ICE1: variants seen among roughly 807,000 people sequenced by gnomAD.
ICE1 encodes interactor of little elongation complex ELL subunit 1, also known as little elongation complex subunit 1.
A neutral mutation model predicts 192.7 loss-of-function variants in ICE1; 64 were observed. The ratio of observed to expected loss-of-function variants is 0.33; its 90% CI spans 0.27 to 0.41. The LOEUF (loss-of-function observed/expected upper bound fraction) is 0.41, where lower values mean the gene tolerates loss of function less well. Ranked by LOEUF, ICE1 falls within the 10% of genes least tolerant of loss-of-function variation. ICE1 has a pLI of 1.00. For missense variants in ICE1, 2,708 were observed against 2,696.0 expected (o/e 1.00, Z -0.10); for synonymous variants, 1,010 against 984.5 (o/e 1.03, Z -0.49).
intron 5 of ICE1, among the ~76,000 whole-genome samples, chr5:5,441,725 C>G (rs1022523389): frequency 2.6e-5 from 4 of 151,934 alleles, no homozygotes; most frequent in Admixed American, 2.6e-4. Context: ...AAAGAACCTA[C>G]TCTCATAATT....
intron 4 of ICE1, 27 bp from the exon 5 acceptor site, chr5:5,441,085 G>T (rs966395886): frequency 2.3e-6 from 3 of 1,322,280 alleles, no homozygotes; most frequent in Non-Finnish European, 2.1e-6. Flanking sequence ...ATCCTTTTCT[G>T]TAATAATGTT....
intron 7 of ICE1, among the ~76,000 whole-genome samples, chr5:5,445,580 C>T (rs1738193769): frequency 2.0e-5 from 3 of 151,828 alleles, no homozygotes; most frequent in Admixed American, 1.3e-4. Flanking sequence ...TACAGGCACG[C>T]ACCACCAAAC....
intron 1 of ICE1, among the ~76,000 whole-genome samples, chr5:5,433,614 CCT>C (rs1737787611): frequency 6.6e-6 from 1 of 152,070 alleles, no homozygotes; most frequent in Admixed American, 6.6e-5. Context: ...ATGCATCCAC[CCT>C]CTCTGCCCAG....
At chr5:5,445,385 G>A (rs28656422) in intron 7 of ICE1, among the ~76,000 whole-genome samples, 2 of 151,952 alleles carry the variant, frequency 1.3e-5, no homozygotes, top group Admixed American at 6.6e-5. Flanking sequence ...AGTGTCTATT[G>A]TATTTAAACA....
chr5:5,484,415 C>T (rs1739583841), intron 17 of ICE1, among the ~76,000 whole-genome samples: 3 of 152,216 alleles, frequency 2.0e-5, no homozygotes, highest in Admixed American at 2.0e-4. Context: ...TGCTGTTAGT[C>T]ATACAGTTAA....
At chr5:5,478,078 C>G (rs1739370489) in intron 17 of ICE1, among the ~76,000 whole-genome samples, 1 of 152,186 alleles carries the variant, frequency 6.6e-6, no homozygotes, top group Non-Finnish European at 1.5e-5. Context: ...GCAAGGATGC[C>G]CTCTCTTACC....
rs766707038 is a variant in ICE1, at chr5:5,439,897, C to T, written c.181C>T (p.Leu61=). ...GAGTTTTCTTTAATAAGTTTTACAG[C>T]TGCAGTTTGCAAGAAGGTGAGCCAA... ...LTEYQKKCDE[L]QFARRENSNL... is the part of the protein sequence containing the mutation. The change falls in exon 4 of 19, where the codon CTG becomes TTG. Residue 61 remains leucine, a splice_region_variant and synonymous_variant. Transcript: ENST00000296564. 1 of 1,552,308 alleles carries T rather than the reference C, an allele frequency of 6.4e-7. No homozygotes were observed. Among genetic ancestry groups the T allele is most frequent in the South Asian group, 1.2e-5 (1 of 82,758 alleles).
At position 5,457,524 on chromosome 5, in the gene ICE1, A is replaced by T; in HGVS notation, c.884A>T (p.Asp295Val). ...TCCAGTGGAACAAATTGTAGTTCTGACCATGTTTTTAATGAGAATGGAAAT... is the reference window on the plus strand; with the variant it reads ...TCCAGTGGAACAAATTGTAGTTCTGTCCATGTTTTTAATGAGAATGGAAAT... ...QSSSGTNCSS[D>V]HVFNENGNLE... Residue 295 changes from aspartate (D) to valine (V), a missense_variant, in exon 12 of 19, where the codon GAC becomes GTC. Around this residue, in one of 2 missense-constraint regions of ICE1, gnomAD observed 2,366 missense variants for 2,276.6 expected, o/e 1.04. Transcript: ENST00000296564. 2 of 1,613,970 alleles carry T rather than the reference A, an allele frequency of 1.2e-6. No homozygotes were observed. The highest frequency in any genetic ancestry group is 1.7e-6 in the Non-Finnish European group (2 of 1,179,856).
Position 5,464,698 on chromosome 5 carries a change from A to T in ICE1, c.5364A>T (p.Gly1788=), listed in dbSNP as rs375147589. ...GPPADCKNLP[G]PASAMIGFKT... is the part of the protein sequence containing the mutation. ...CTGCTGACTGTAAGAATTTACCGGG[A>T]CCTGCCAGTGCTATGATAGGATTCA... The change falls in exon 13 of 19, where the codon GGA becomes GGT. Residue 1788 remains glycine, a synonymous_variant. Transcript: ENST00000296564. This position sits in a 1 kb window ranked among gnomAD's most constrained non-coding sequence, Gnocchi z 4.0. The T allele has an allele frequency of 2.4e-5, 39 of 1,613,420 alleles. No individual in the cohort carries two copies. Among genetic ancestry groups the T allele is most frequent in the Non-Finnish European group, 3.1e-5 (37 of 1,179,838 alleles).
chr5:5,482,390 T>C (rs1656609944), intron 17 of ICE1, among the ~76,000 whole-genome samples: 2 of 152,196 alleles, frequency 1.3e-5, no homozygotes, highest in South Asian at 4.1e-4. Flanking sequence ...CTAAAATGCT[T>C]ATAAACATAT....
In ICE1 at chr5:5,465,156, A is replaced by G; in HGVS notation, c.5822A>G (p.Asn1941Ser). The G allele has an allele frequency of 6.2e-7, 1 of 1,608,302 alleles. No homozygotes were observed. Among genetic ancestry groups the G allele is most frequent in the Non-Finnish European group, 8.5e-7 (1 of 1,176,954 alleles). Residue 1941 changes from asparagine to serine, a missense_variant, in exon 13 of 19, where the codon AAT (asparagine) becomes AGT (serine). By Grantham distance (46) the Asn-to-Ser change is conservative. This residue lies in a region of ICE1 where 342 missense variants were observed against 419.3 expected (regional missense o/e 0.82). Coordinates refer to ENST00000296564, the MANE Select transcript of ICE1 (RefSeq NM_015325.3). ...ATTCGTAGTCATGTGTATGTGGGAA[A>G]TATCTCCAAAAAGCCCGTAATGAGA... ...PVIRSHVYVG[N>S]ISKKPVMRDQ...
chr5:5,440,849 T>C (rs1738025154), intron 4 of ICE1, among the ~76,000 whole-genome samples: 2 of 151,404 alleles, frequency 1.3e-5, no homozygotes, highest in Non-Finnish European at 2.9e-5. Context: ...GTGGTGCCAC[T>C]ATACTCCAGC....
chr5:5,427,165 T>G (rs1302042345), intron 1 of ICE1, among the ~76,000 whole-genome samples: 1 of 152,226 alleles, frequency 6.6e-6, no homozygotes, highest in Non-Finnish European at 1.5e-5. Flanking sequence ...GTGTGCAGAT[T>G]GACTACATTT....
intron 14 of ICE1, among the ~76,000 whole-genome samples, 178 bp downstream of exon 14, chr5:5,466,680 T>C (rs1464156657): frequency 2.6e-5 from 4 of 152,254 alleles, no homozygotes; most frequent in African/African-American, 9.6e-5. Flanking sequence ...GGCTTACTTA[T>C]ATCAGCACTA....
intron 13 of ICE1, 110 bp downstream of exon 13, chr5:5,465,336 A>G: frequency 5.6e-6 from 4 of 713,030 alleles, no homozygotes; most frequent in Admixed American, 5.8e-5. Context: ...GTTTTACTTC[A>G]AGGATGAGAG....
chr5:5,471,877 T>A (rs1739164983), intron 15 of ICE1, among the ~76,000 whole-genome samples: 1 of 152,174 alleles, frequency 6.6e-6, no homozygotes, highest in Non-Finnish European at 1.5e-5. Flanking sequence ...TCCAACTTTT[T>A]CTGGTGGAGG....
intron 7 of ICE1, 89 bp downstream of exon 7, chr5:5,444,415 G>T: frequency 1.1e-6 from 1 of 909,300 alleles, no homozygotes; most frequent in South Asian, 1.6e-5. Context: ...TCAAATAGTT[G>T]AATTGTTATG....
chr5:5,439,918 G>A lies in ICE1; in HGVS notation c.197+5G>A. The A allele has an allele frequency of 1.9e-6, 3 of 1,554,434 alleles. No homozygotes were observed. Among genetic ancestry groups the A allele is most frequent in the Admixed American group, 2.0e-5 (1 of 51,040 alleles). On this transcript the variant is annotated splice_donor_5th_base_variant and intron_variant, in intron 4 of 18. Coordinates refer to ENST00000296564, the MANE Select transcript of ICE1 (RefSeq NM_015325.3). Reference sequence around the variant, plus strand: ...ACAGCTGCAGTTTGCAAGAAGGTGAGCCAACCTGTTTCATAGTTTATGATA... The same window carrying A: ...ACAGCTGCAGTTTGCAAGAAGGTGAACCAACCTGTTTCATAGTTTATGATA...
chr5:5,436,502 C>G, intron 2 of ICE1, 26 bp downstream of exon 2: 1 of 1,350,030 alleles, frequency 7.4e-7, no homozygotes, highest in Non-Finnish European at 9.9e-7. Context: ...TGTCGTTTGG[C>G]AGAACTTTGT....
Sources: allele counts gnomAD v4.1 joint callset (sites outside exome capture counted in the v4.1 genomes callset), GRCh38; gene constraint gnomAD v4.1.1; regional missense constraint gnomAD v4.1.1; non-coding constraint Gnocchi (gnomAD v3.1); transcripts MANE v1.5; gene names NCBI Gene and HGNC (gene_info 2026-07-23, HGNC 2026-07-21).